Variants in RBX1 observed in about 807,000 individuals in gnomAD.
The protein encoded by RBX1 is ring-box 1.
For missense variants in RBX1, 46 were observed against 141.4 expected, an observed-to-expected ratio of 0.33 and a Z score of 3.42; for synonymous variants, 48 against 47.9, an observed-to-expected ratio of 1.00 and a Z score of -0.01.
At chr22:40,963,075 C>T (rs187195423) in intron 2 of RBX1, among the ~76,000 whole-genome samples, 217 of 146,844 alleles carry the variant, frequency 1.5e-3, no homozygotes, top group African/African-American at 5.3e-3. Context: ...CTCCTGACCT[C>T]GTGATCCGCC....
At chr22:40,970,145 CA>C (rs2058365056) in intron 4 of RBX1, among the ~76,000 whole-genome samples, 1 of 150,740 alleles carries the variant, frequency 6.6e-6, no homozygotes, top group Non-Finnish European at 1.5e-5. Flanking sequence ...CACCTGAGGT[CA>C]GGAGTTCAAG....
intron 2 of RBX1, among the ~76,000 whole-genome samples, chr22:40,960,881 C>T (rs1423965121): frequency 1.3e-5 from 2 of 152,112 alleles, no homozygotes; most frequent in Non-Finnish European, 2.9e-5. Context: ...GCCTCAGCCT[C>T]TCTAGTAGCT....
chr22:40,956,925 C>T (rs2058327183), intron 2 of RBX1, among the ~76,000 whole-genome samples: 1 of 152,002 alleles, frequency 6.6e-6, no homozygotes, highest in Non-Finnish European at 1.5e-5. Flanking sequence ...GTCCCAGCTA[C>T]TTGAGAGGCT....
chr22:40,972,846 C>T lies in RBX1; in HGVS notation c.*358C>T, dbSNP rs1020447706. On this transcript the variant is annotated 3_prime_UTR_variant, in exon 5 of 5. Coordinates refer to ENST00000216225, the MANE Select transcript of RBX1 (RefSeq NM_014248.4). ...CAGCTCAAGGCAGAGTGTGGATCAC[C>T]GGCTCCCGAAAACAGCAGTCAGCCC... 9 of 174,002 alleles carry T rather than the reference C, an allele frequency of 5.2e-5. No homozygotes were observed. The highest frequency in any genetic ancestry group is 1.5e-4 in the East Asian group (1 of 6,634). The allele number at this position is 174,002 out of a possible 1,614,324, so 10.8% of individuals were successfully genotyped here.
At chr22:40,952,863 G>T (rs2058315132) in intron 1 of RBX1, among the ~76,000 whole-genome samples, 1 of 151,498 alleles carries the variant, frequency 6.6e-6, no homozygotes, top group African/African-American at 2.4e-5. Context: ...AGTTCATTCT[G>T]TTCTCTAGCT....
chr22:40,968,085 CTTTTTTTTTTTTTTT>C (rs938566744), intron 4 of RBX1, among the ~76,000 whole-genome samples: 1 of 111,208 alleles, frequency 9.0e-6, no homozygotes, highest in African/African-American at 3.4e-5. Context: ...GTTTCCCAAC[CTTTTTTTTTTTTTTT>C]TTTTTTTTGA....
chr22:40,967,993 A>T, intron 4 of RBX1, 109 bp downstream of exon 4: 5 of 610,374 alleles, frequency 8.2e-6, no homozygotes, highest in Non-Finnish European at 8.8e-6. Flanking sequence ...TTTTAAAACT[A>T]GTTTTTGGTT....
chr22:40,968,794 G>A (rs1434920644), intron 4 of RBX1, among the ~76,000 whole-genome samples: 1 of 149,792 alleles, frequency 6.7e-6, no homozygotes, highest in Non-Finnish European at 1.5e-5. Flanking sequence ...ACATGGTTGT[G>A]TGTATATATA....
intron 2 of RBX1, among the ~76,000 whole-genome samples, chr22:40,956,037 G>T (rs747169497): frequency 1.3e-5 from 2 of 151,954 alleles, no homozygotes; most frequent in Non-Finnish European, 1.5e-5. Flanking sequence ...AATAGTTAAT[G>T]ATTTTTAATG....
chr22:40,969,767 G>T (rs2058363667), intron 4 of RBX1, among the ~76,000 whole-genome samples: 1 of 151,638 alleles, frequency 6.6e-6, no homozygotes, highest in Non-Finnish European at 1.5e-5. Flanking sequence ...TGCATGCCTG[G>T]AATCCCAGTT....
In RBX1 at chr22:40,964,144, A is replaced by G. The variant is rs578048157; in HGVS notation, c.228+27A>G. The G allele has an allele frequency of 1.0e-5, 16 of 1,550,440 alleles. No homozygotes were observed. In the African/African-American group the frequency reaches 1.8e-4, roughly 17 times the overall value. ...TAAGGAAGCATCTTTACCTGTCAGC[A>G]TGGCTTGTAAACATATTTCCACTTT... On this transcript the variant is annotated intron_variant, in intron 3 of 4. Coordinates refer to ENST00000216225, the MANE Select transcript of RBX1 (RefSeq NM_014248.4).
chr22:40,957,342 T>C (rs1325834038), intron 2 of RBX1, among the ~76,000 whole-genome samples: 1 of 135,690 alleles, frequency 7.4e-6, no homozygotes, highest in Non-Finnish European at 1.7e-5. Flanking sequence ...CAAAACTCTG[T>C]CTCAAAAAAA....
At chr22:40,965,737 C>T (rs921562912) in intron 3 of RBX1, among the ~76,000 whole-genome samples, 3 of 152,210 alleles carry the variant, frequency 2.0e-5, no homozygotes, top group Non-Finnish European at 4.4e-5. Context: ...CCACCGTGCC[C>T]AGCCCCTACC....
intron 1 of RBX1, among the ~76,000 whole-genome samples, chr22:40,951,973 AG>A (rs1171033886): frequency 3.9e-5 from 6 of 151,954 alleles, no homozygotes; most frequent in African/African-American, 1.4e-4. Flanking sequence ...TCTCACTTGG[AG>A]GGGTCCTCTC....
At chr22:40,961,329 G>C (rs965143087) in intron 2 of RBX1, among the ~76,000 whole-genome samples, 10 of 151,366 alleles carry the variant, frequency 6.6e-5, no homozygotes, top group African/African-American at 2.4e-4. Context: ...AAGTGATCCT[G>C]CTGCCTTGGC....
chr22:40,956,616 G>T (rs534914747), intron 2 of RBX1, among the ~76,000 whole-genome samples: 3 of 151,640 alleles, frequency 2.0e-5, no homozygotes, highest in Non-Finnish European at 4.4e-5. Context: ...CTCTCAAACC[G>T]CTGGGATTAC....
intron 4 of RBX1, among the ~76,000 whole-genome samples, chr22:40,969,634 C>G (rs1007520401): frequency 6.6e-6 from 1 of 152,120 alleles, no homozygotes; most frequent in African/African-American, 2.4e-5. Context: ...CCTGTAATCC[C>G]AGCACTTTGG....
chr22:40,955,310 C>T (rs1362249527), intron 2 of RBX1, among the ~76,000 whole-genome samples: 2 of 150,468 alleles, frequency 1.3e-5, no homozygotes, highest in African/African-American at 2.4e-5. Flanking sequence ...CTTTGTTGCC[C>T]AGGCTGGTCT....
chr22:40,970,053 TAAAAAAA>T lies in RBX1; in HGVS notation c.314+2183_314+2189del, dbSNP rs71328761. Among the ~76,000 whole-genome samples, 4 of 109,706 alleles carry T rather than the reference TAAAAAAA, an allele frequency of 3.6e-5. No individual in the cohort carries two copies. The East Asian group carries it at 7.6e-4, about 21-fold the overall frequency. The allele number at this position is 109,706 out of a possible 152,430, so 72.0% of individuals were successfully genotyped here. A position where few individuals can be genotyped will look rare whatever the true frequency, so the allele number is the denominator to read the frequency against. ...TCCAGCCTAGGTAATAGACCCAATT[TAAAAAAA>T]AAAAAAAAAAAAAGCCCAGGTGTAG... On this transcript the variant is annotated intron_variant, in intron 4 of 4. Transcript: ENST00000216225.
Sources: allele counts gnomAD v4.1 joint callset (sites outside exome capture counted in the v4.1 genomes callset), GRCh38; gene constraint gnomAD v4.1.1; transcripts MANE v1.5; gene names NCBI Gene and HGNC (gene_info 2026-07-23, HGNC 2026-07-21).